The following EBF1 variants were observed in gnomAD, a reference collection of about 807,000 sequenced individuals.
The protein encoded by EBF1 is transcription factor COE1.
In EBF1, 10 loss-of-function variants were observed where a neutral mutation model predicts 68.4. The ratio of observed to expected loss-of-function variants is 0.15; its 90% CI spans 0.09 to 0.25. EBF1 has a LOEUF of 0.25. EBF1 is among the 10% of genes least tolerant of loss of function. The probability of loss-of-function intolerance (pLI) is 1.00; values close to 1 mark genes in which losing one functional copy is unlikely to be tolerated. For synonymous variants in EBF1, 298 were observed against 299.8 expected (o/e 0.99, Z 0.06); for missense variants, 509 against 794.4 (o/e 0.64, Z 4.32).
intron 8 of EBF1, among the ~76,000 whole-genome samples, chr5:158,800,540 T>G (rs997553776): frequency 6.6e-6 from 1 of 152,218 alleles, no homozygotes; most frequent in Non-Finnish European, 1.5e-5. Context: ...TTTAATTCTA[T>G]GAGAGCAAAC....
intron 5 of EBF1, among the ~76,000 whole-genome samples, chr5:159,075,654 C>T (rs1778634630): frequency 1.3e-5 from 2 of 152,206 alleles, no homozygotes; most frequent in East Asian, 1.9e-4. Context: ...CACTCTGACC[C>T]CCTGCAATAG....
chr5:158,831,519 T>TAAGCAATAA (rs1787567591), intron 7 of EBF1, among the ~76,000 whole-genome samples: 1 of 152,032 alleles, frequency 6.6e-6, no homozygotes, highest in African/African-American at 2.4e-5. Flanking sequence ...AGACAATAAG[T>TAAGCAATAA]AAGCAATAAA....
At chr5:158,725,231 A>G (rs560820341) in intron 11 of EBF1, among the ~76,000 whole-genome samples, 1 of 152,288 alleles carries the variant, frequency 6.6e-6, no homozygotes, top group South Asian at 2.1e-4. Flanking sequence ...TCTGCCAGAG[A>G]TACTATGGTG....
At chr5:158,843,595 C>T (rs998816822) in intron 6 of EBF1, among the ~76,000 whole-genome samples, 1 of 152,194 alleles carries the variant, frequency 6.6e-6, no homozygotes, top group African/African-American at 2.4e-5. Context: ...GTGGGGAAGA[C>T]ACGGCCATCA....
At chr5:158,897,997 T>A (rs1802500868) in intron 6 of EBF1, among the ~76,000 whole-genome samples, 2 of 152,198 alleles carry the variant, frequency 1.3e-5, no homozygotes, top group African/African-American at 4.8e-5. Flanking sequence ...CCATCACTAT[T>A]TGCCATTGAA....
At chr5:158,829,357 A>ATT (rs1175038518) in intron 7 of EBF1, among the ~76,000 whole-genome samples, 1 of 118,076 alleles carries the variant, frequency 8.5e-6, no homozygotes, top group African/African-American at 3.2e-5. Flanking sequence ...TTTTTTTTGT[A>ATT]TTTTTTTTGT....
chr5:158,949,732 G>T (rs1047369640), intron 6 of EBF1, among the ~76,000 whole-genome samples: 2 of 152,182 alleles, frequency 1.3e-5, no homozygotes, highest in African/African-American at 4.8e-5. Context: ...TTCAATAAAT[G>T]TTCACCAAGT....
At chr5:158,910,275 G>A (rs868802653) in intron 6 of EBF1, among the ~76,000 whole-genome samples, 1 of 152,170 alleles carries the variant, frequency 6.6e-6, no homozygotes, top group African/African-American at 2.4e-5. Flanking sequence ...TTCCAAGGAT[G>A]AAAAAGATGG....
chr5:159,095,703 A>G lies in EBF1; in HGVS notation c.356-28T>C. On this transcript the variant is annotated intron_variant, in intron 3 of 15. Coordinates refer to ENST00000313708, the MANE Select transcript of EBF1 (RefSeq NM_024007.5). ...AGGGTTGGAAATGGGGGAAGGGAGGAGAATTAAGTGAGAGGTTACGGAGGG... is the reference window on the plus strand; with the variant it reads ...AGGGTTGGAAATGGGGGAAGGGAGGGGAATTAAGTGAGAGGTTACGGAGGG... 1.2e-6 allele frequency: 2 copies of G among 1,613,102 alleles called. 1 individual carries two copies. The highest frequency in any genetic ancestry group is 2.2e-5 in the South Asian group (2 of 91,000).
At chr5:159,031,691 T>C (rs1768922340) in intron 6 of EBF1, among the ~76,000 whole-genome samples, 1 of 152,180 alleles carries the variant, frequency 6.6e-6, no homozygotes, top group Non-Finnish European at 1.5e-5. Context: ...ACCGGTGATT[T>C]AGAGCTTGCT....
intron 6 of EBF1, among the ~76,000 whole-genome samples, chr5:159,068,946 T>TACA (rs1777333886): frequency 6.6e-6 from 1 of 152,078 alleles, no homozygotes. Flanking sequence ...CTACATCCCA[T>TACA]AGCCATACAC....
At chr5:158,840,198 C>T in intron 6 of EBF1, 88 bp from the exon 7 acceptor site, 3 of 918,572 alleles carry the variant, frequency 3.3e-6, no homozygotes, top group South Asian at 2.8e-5. Context: ...GTTGTGCATT[C>T]GATTCTCTTT....
intron 6 of EBF1, among the ~76,000 whole-genome samples, chr5:159,003,252 C>T (rs1762917640): frequency 6.6e-6 from 1 of 152,062 alleles, no homozygotes; most frequent in Non-Finnish European, 1.5e-5. Context: ...AAGCAACAGC[C>T]GAAACAAAAA....
chr5:158,996,376 C>G (rs1761421035), intron 6 of EBF1, among the ~76,000 whole-genome samples: 1 of 152,150 alleles, frequency 6.6e-6, no homozygotes, highest in African/African-American at 2.4e-5. Context: ...AAATTTTTAA[C>G]TAACTCTCAC....
intron 10 of EBF1, among the ~76,000 whole-genome samples, chr5:158,772,284 T>G (rs1239938255): frequency 3.9e-5 from 6 of 152,126 alleles, no homozygotes; most frequent in African/African-American, 1.4e-4. Flanking sequence ...CAGCCTTTAT[T>G]TTGTGGAGGA....
chr5:158,753,306 A>G (rs1454678049), intron 10 of EBF1, among the ~76,000 whole-genome samples: 1 of 152,120 alleles, frequency 6.6e-6, no homozygotes, highest in Non-Finnish European at 1.5e-5. Flanking sequence ...TACTCTCTCC[A>G]CAACTGTCAG....
At chr5:159,049,335 T>C (rs1773067164) in intron 6 of EBF1, among the ~76,000 whole-genome samples, 1 of 152,156 alleles carries the variant, frequency 6.6e-6, no homozygotes, top group Admixed American at 6.5e-5. Flanking sequence ...ACTTAGTGGA[T>C]AGAAAGCTCC....
At chr5:158,721,680 C>T (rs1248268453) in intron 11 of EBF1, among the ~76,000 whole-genome samples, 1 of 152,116 alleles carries the variant, frequency 6.6e-6, no homozygotes, top group Non-Finnish European at 1.5e-5. Context: ...ATCGTGTGAC[C>T]TCTGAGAAGC....
chr5:158,893,048 ATTTCCAT>A (rs1267288278), intron 6 of EBF1, among the ~76,000 whole-genome samples: 1 of 151,268 alleles, frequency 6.6e-6, no homozygotes, highest in Non-Finnish European at 1.5e-5. Flanking sequence ...CACACCATTC[ATTTCCAT>A]TACTCACTCT....
Sources: allele counts gnomAD v4.1 joint callset (sites outside exome capture counted in the v4.1 genomes callset), GRCh38; gene constraint gnomAD v4.1.1; transcripts MANE v1.5; gene names NCBI Gene and HGNC (gene_info 2026-07-23, HGNC 2026-07-21).